Variants in MAPK10 observed in about 807,000 individuals in gnomAD.
The protein encoded by MAPK10 is JNK3 alpha protein kinase.
A neutral mutation model predicts 59.3 loss-of-function variants in MAPK10; 25 were observed. The observed-to-expected ratio is 0.42, with a 90% CI of 0.31 to 0.59. MAPK10 has a LOEUF of 0.59. Ranked by LOEUF, MAPK10 falls within the 20% of genes least tolerant of loss-of-function variation. The probability of loss-of-function intolerance (pLI) is 0.15; values close to 1 mark genes in which losing one functional copy is unlikely to be tolerated. For missense variants in MAPK10, 351 were observed against 568.9 expected (o/e 0.62, Z 3.90); for synonymous variants, 190 against 200.5 (o/e 0.95, Z 0.44).
chr4:86,244,112 T>C (rs1007905446), intron 2 of MAPK10, among the ~76,000 whole-genome samples: 48 of 152,196 alleles, frequency 3.2e-4, no homozygotes, highest in African/African-American at 1.1e-3. Flanking sequence ...GAGGCTGACA[T>C]TGGCACATCC....
intron 2 of MAPK10, among the ~76,000 whole-genome samples, chr4:86,295,331 C>T (rs1314643408): frequency 2.0e-5 from 3 of 152,110 alleles, no homozygotes; most frequent in African/African-American, 4.8e-5. Flanking sequence ...CAGTGAAGCC[C>T]TCCTTGACCA....
At chr4:86,350,095 A>T (rs978097726) in intron 2 of MAPK10, among the ~76,000 whole-genome samples, 10 of 152,202 alleles carry the variant, frequency 6.6e-5, no homozygotes, top group Admixed American at 3.9e-4. Context: ...TCTGTCGCCC[A>T]GGTTGGAGTA....
intron 9 of MAPK10, among the ~76,000 whole-genome samples, chr4:86,075,116 C>A (rs1353671954): frequency 1.3e-5 from 2 of 151,320 alleles, no homozygotes; most frequent in African/African-American, 4.9e-5. Context: ...TTTCTCTAAA[C>A]TTCCCTTCTC....
chr4:86,506,526 G>C (rs1755750884), intron 1 of MAPK10, among the ~76,000 whole-genome samples: 1 of 152,104 alleles, frequency 6.6e-6, no homozygotes, highest in South Asian at 2.1e-4. Flanking sequence ...CTGACTAAAA[G>C]ATAGCACTTA....
At chr4:86,042,566 A>C (rs930297678) in intron 11 of MAPK10, among the ~76,000 whole-genome samples, 1 of 152,186 alleles carries the variant, frequency 6.6e-6, no homozygotes, top group African/African-American at 2.4e-5. Flanking sequence ...ATGTGGGAGG[A>C]ATGGTGGAGT....
chr4:86,338,288 C>G (rs566450122), intron 2 of MAPK10, among the ~76,000 whole-genome samples: 31 of 152,202 alleles, frequency 2.0e-4, no homozygotes, highest in Non-Finnish European at 4.0e-4. Context: ...CTAACTGGCT[C>G]TAGCCCTGAG....
At chr4:86,461,698 C>T (rs1751760842) in intron 1 of MAPK10, among the ~76,000 whole-genome samples, 1 of 152,138 alleles carries the variant, frequency 6.6e-6, no homozygotes, top group South Asian at 2.1e-4. Flanking sequence ...GCTAAAGCGG[C>T]AAAGGAGGAA....
chr4:86,183,011 C>T (rs1409804409), intron 3 of MAPK10, among the ~76,000 whole-genome samples: 1 of 152,076 alleles, frequency 6.6e-6, no homozygotes, highest in Non-Finnish European at 1.5e-5. Flanking sequence ...ACACCCTACA[C>T]AAAGACTTTC....
chr4:86,368,911 G>C (rs1738328832), intron 1 of MAPK10, among the ~76,000 whole-genome samples: 1 of 152,190 alleles, frequency 6.6e-6, no homozygotes, highest in South Asian at 2.1e-4. Flanking sequence ...TAGTGTATGT[G>C]TCTTTTGAAC....
chr4:86,054,170 C>T lies in MAPK10; in HGVS notation c.1110+10096G>A, dbSNP rs577568772. On this transcript the variant is annotated intron_variant, in intron 11 of 13. Coordinates refer to ENST00000641462, the MANE Select transcript of MAPK10 (RefSeq NM_138982.4). ...CTTGGATTCAGTGGATTCTGAATAT[C>T]CCAATGAATTAAAATTAAGATGAAC... Among the ~76,000 whole-genome samples the T allele has an allele frequency of 2.0e-5, 3 of 152,228 alleles. No homozygotes were observed. The East Asian group carries it at 5.8e-4, about 29-fold the overall frequency.
chr4:86,510,474 C>A (rs1579437426), intron 1 of MAPK10, among the ~76,000 whole-genome samples: 1 of 151,218 alleles, frequency 6.6e-6, no homozygotes. Flanking sequence ...AATTGTCAAT[C>A]AATAGATGAA....
chr4:86,496,646 T>G (rs1754890887), intron 1 of MAPK10, among the ~76,000 whole-genome samples: 1 of 152,182 alleles, frequency 6.6e-6, no homozygotes, highest in Non-Finnish European at 1.5e-5. Flanking sequence ...AGATTCTAAG[T>G]GCTTTTTAAG....
chr4:86,420,386 T>A (rs1303519203), intron 1 of MAPK10, among the ~76,000 whole-genome samples: 1 of 152,236 alleles, frequency 6.6e-6, no homozygotes, highest in Non-Finnish European at 1.5e-5. Flanking sequence ...ACTTTTATAT[T>A]AGCCATAGGT....
chr4:86,537,250 G>T (rs1171592475), intron 1 of MAPK10, among the ~76,000 whole-genome samples: 1 of 152,152 alleles, frequency 6.6e-6, no homozygotes, highest in African/African-American at 2.4e-5. Flanking sequence ...ACAATAATGA[G>T]ATCCAGGAAT....
chr4:86,104,296 C>CAT (rs2056133779), intron 5 of MAPK10, among the ~76,000 whole-genome samples: 1 of 152,014 alleles, frequency 6.6e-6, no homozygotes, highest in African/African-American at 2.4e-5. Flanking sequence ...TTCTAGTATA[C>CAT]ATATATATGG....
chr4:86,543,220 T>C (rs751768976), intron 1 of MAPK10, among the ~76,000 whole-genome samples: 1 of 152,166 alleles, frequency 6.6e-6, no homozygotes, highest in Non-Finnish European at 1.5e-5. Flanking sequence ...ACACCAGGAA[T>C]TGAGCTATAG....
At chr4:86,301,514 T>C (rs1046498473) in intron 2 of MAPK10, among the ~76,000 whole-genome samples, 2 of 152,132 alleles carry the variant, frequency 1.3e-5, no homozygotes, top group African/African-American at 4.8e-5. Flanking sequence ...TGAAGCTCCA[T>C]ATAATATACT....
At chr4:86,212,956 T>C (rs1264276412) in intron 2 of MAPK10, among the ~76,000 whole-genome samples, 1 of 152,194 alleles carries the variant, frequency 6.6e-6, no homozygotes, top group East Asian at 1.9e-4. Flanking sequence ...ATGGGACATA[T>C]TCCAGAATAG....
At chr4:86,182,504 T>G (rs2077136504) in intron 3 of MAPK10, among the ~76,000 whole-genome samples, 1 of 152,106 alleles carries the variant, frequency 6.6e-6, no homozygotes, top group African/African-American at 2.4e-5. Context: ...GTATTGTCTG[T>G]TGGGCAAAAA....
Sources: gnomAD v4.1 joint callset for allele counts (sites outside exome capture counted in the v4.1 genomes callset) on GRCh38, gnomAD v4.1.1 for gene constraint, MANE v1.5 for transcripts, NCBI Gene and HGNC (gene_info 2026-07-23, HGNC 2026-07-21) for gene names.